Variants in ADGRV1 observed in about 807,000 individuals in gnomAD.
ADGRV1 encodes the protein G-protein coupled receptor 98.
In ADGRV1, 359 loss-of-function variants were observed where a neutral mutation model predicts 596.2. That is an observed-to-expected ratio of 0.60 (90% CI 0.55 to 0.66). The LOEUF is 0.66. Among genes scored for constraint, ADGRV1 ranks in the 30% least tolerant of loss-of-function variants. The pLI, the probability that ADGRV1 is intolerant of heterozygous loss-of-function variation, is 0.00. For missense variants in ADGRV1, 7,274 were observed against 7,575.6 expected, an observed-to-expected ratio of 0.96 and a Z score of 1.48; for synonymous variants, 2,681 against 2,679.2, an observed-to-expected ratio of 1.00 and a Z score of -0.02.
At chr5:90,619,603 T>A (rs547529806) in intron 4 of ADGRV1, among the ~76,000 whole-genome samples, 66 of 152,256 alleles carry the variant, frequency 4.3e-4, no homozygotes, top group African/African-American at 1.2e-3. Context: ...TCTTTTTTTT[T>A]AATTATTATT....
At chr5:90,582,496 G>T (rs993970543) in intron 1 of ADGRV1, among the ~76,000 whole-genome samples, 4 of 151,994 alleles carry the variant, frequency 2.6e-5, no homozygotes, top group Non-Finnish European at 5.9e-5. Context: ...TGTTTTATTT[G>T]ATATAAGAAT....
At chr5:91,162,570 G>C (rs4916705) in intron 89 of ADGRV1, among the ~76,000 whole-genome samples, 1 of 152,034 alleles carries the variant, frequency 6.6e-6, no homozygotes, top group Non-Finnish European at 1.5e-5. Context: ...GCAGGAGGAA[G>C]TGTATGAGAA....
At chr5:90,663,067 A>G (rs1423797295) in intron 21 of ADGRV1, among the ~76,000 whole-genome samples, 2 of 149,768 alleles carry the variant, frequency 1.3e-5, no homozygotes, top group Non-Finnish European at 3.0e-5. Flanking sequence ...TGCCGCAATA[A>G]ACATACGTGT....
At chr5:90,789,420 G>A (rs187626310) in intron 68 of ADGRV1, among the ~76,000 whole-genome samples, 6 of 152,210 alleles carry the variant, frequency 3.9e-5, no homozygotes, top group Admixed American at 6.5e-5. Context: ...TGAATAAAGC[G>A]AAATTCAGGC....
At position 90,853,530 on chromosome 5, in the gene ADGRV1, T is replaced by C. The variant is rs375958356; in HGVS notation, c.17451T>C (p.Asn5817=). 9.3e-6 allele frequency: 15 copies of C among 1,608,322 alleles called. No individual in the cohort carries two copies. The highest frequency in any genetic ancestry group is 1.3e-5 in the Non-Finnish European group (15 of 1,176,336). ...ISGNNLPTLK[N]KVLSLSVKGQ... is the part of the protein sequence containing the mutation. Reference sequence around the variant, plus strand: ...GAAACAATCTTCCTACCCTAAAAAATAAGGTAATCTTTCATTCAAAACACT... The same window carrying C: ...GAAACAATCTTCCTACCCTAAAAAACAAGGTAATCTTTCATTCAAAACACT... Residue 5817 remains asparagine, a synonymous_variant, in exon 80 of 90, where the codon AAT becomes AAC. Transcript: ENST00000405460.
In ADGRV1 at chr5:90,712,284, C is replaced by T. The variant is rs1749466368; in HGVS notation, c.9043-3C>T. 5 of 1,510,510 alleles carry T rather than the reference C, an allele frequency of 3.3e-6. No homozygotes were observed. Among genetic ancestry groups the T allele is most frequent in the East Asian group, 2.4e-5 (1 of 41,048 alleles). The allele number at this position is 1,510,510 out of a possible 1,614,324, so 93.6% of individuals were successfully genotyped here. A position where few individuals can be genotyped will look rare whatever the true frequency, so the allele number is the denominator to read the frequency against. ...TACATTCTGCTTTTACCTTTTTGAC[C>T]AGATTCTTCATTTTGCTGATGGAGA... On this transcript the variant is annotated splice_region_variant and splice_polypyrimidine_tract_variant and intron_variant, in intron 41 of 89. Coordinates refer to ENST00000405460, the MANE Select transcript of ADGRV1 (RefSeq NM_032119.4).
intron 86 of ADGRV1, among the ~76,000 whole-genome samples, chr5:91,074,953 T>C (rs1485829043): frequency 6.6e-6 from 1 of 152,236 alleles, no homozygotes; most frequent in Non-Finnish European, 1.5e-5. Flanking sequence ...TTTCATATGC[T>C]TGTTGGCTTC....
chr5:90,778,172 T>C, intron 62 of ADGRV1, 129 bp downstream of exon 62: 2 of 1,056,066 alleles, frequency 1.9e-6, no homozygotes, highest in Non-Finnish European at 1.4e-6. Context: ...GGGGAGGAGG[T>C]AAATATTACA....
At chr5:91,022,439 T>G (rs888728366) in intron 85 of ADGRV1, among the ~76,000 whole-genome samples, 2 of 152,062 alleles carry the variant, frequency 1.3e-5, no homozygotes, top group African/African-American at 4.8e-5. Flanking sequence ...CTATGGCTTT[T>G]TGCTGCCATA....
At chr5:90,920,249 A>G (rs1773761316) in intron 83 of ADGRV1, among the ~76,000 whole-genome samples, 1 of 152,078 alleles carries the variant, frequency 6.6e-6, no homozygotes, top group South Asian at 2.1e-4. Flanking sequence ...AGGGCCAGCG[A>G]GCTCTCTTGG....
chr5:90,754,370 A>G (rs899329724), intron 54 of ADGRV1, among the ~76,000 whole-genome samples: 14 of 152,216 alleles, frequency 9.2e-5, no homozygotes, highest in African/African-American at 3.1e-4. Context: ...ATTTTCACGT[A>G]ATAACATGGA....
chr5:90,634,973 A>AT, intron 9 of ADGRV1, 141 bp from the exon 10 acceptor site: 1 of 579,566 alleles, frequency 1.7e-6, no homozygotes, highest in Middle Eastern at 4.6e-4. Flanking sequence ...GGGATGGTGA[A>AT]TGAGAGAGGA....
chr5:90,814,233 C>A (rs762939640), intron 74 of ADGRV1, among the ~76,000 whole-genome samples: 2 of 152,194 alleles, frequency 1.3e-5, no homozygotes, highest in Non-Finnish European at 2.9e-5. Context: ...TGTAGCCCAT[C>A]ACTTGCATGT....
intron 85 of ADGRV1, among the ~76,000 whole-genome samples, chr5:91,033,192 T>C (rs1784617166): frequency 6.6e-6 from 1 of 152,212 alleles, no homozygotes. Flanking sequence ...ATTTGTATGG[T>C]TTTTAAAATA....
At chr5:91,157,353 A>G (rs1290044739) in intron 89 of ADGRV1, among the ~76,000 whole-genome samples, 1 of 152,234 alleles carries the variant, frequency 6.6e-6, no homozygotes, top group African/African-American at 2.4e-5. Flanking sequence ...GTTTGAAAAT[A>G]AAACTTTTAC....
chr5:91,104,138 G>A (rs1791638736), intron 87 of ADGRV1, among the ~76,000 whole-genome samples: 1 of 151,952 alleles, frequency 6.6e-6, no homozygotes, highest in Non-Finnish European at 1.5e-5. Context: ...GTTTGTACTG[G>A]AAAGATAACT....
chr5:91,135,096 G>A lies in ADGRV1; in HGVS notation c.18433-14934G>A, dbSNP rs555568751. ...CTTGGGAGGCTGAGGCAGGAGAATCGCTTGAACCAGAAGGAGAGGTTGCAG... is the reference window on the plus strand; with the variant it reads ...CTTGGGAGGCTGAGGCAGGAGAATCACTTGAACCAGAAGGAGAGGTTGCAG... On this transcript the variant is annotated intron_variant, in intron 87 of 89. Coordinates refer to ENST00000405460, the MANE Select transcript of ADGRV1 (RefSeq NM_032119.4). Among the ~76,000 whole-genome samples, 5 of 150,280 alleles carry A rather than the reference G, an allele frequency of 3.3e-5. No homozygotes were observed. In the South Asian group the frequency reaches 6.3e-4, roughly 19 times the overall value.
Position 90,776,485 on chromosome 5 carries a change from C to T in ADGRV1, c.12436C>T (p.Arg4146Ter), listed in dbSNP as rs369793306. 8 of 1,612,806 alleles carry T rather than the reference C, an allele frequency of 5.0e-6. No homozygotes were observed. The highest frequency in any genetic ancestry group is 1.3e-5 in the African/African-American group (1 of 74,802). Reference sequence around the variant, plus strand: ...ATCAATAATTATTCGGGGTGATAAGCGAGCATCAGGAGAAGTTGGGATAGC... The same window carrying T: ...ATCAATAATTATTCGGGGTGATAAGTGAGCATCAGGAGAAGTTGGGATAGC... ...SASIIIRGDK[R>*]ASGEVGIAPS... The change falls in exon 61 of 90, where the codon CGA (arginine) becomes TGA (stop). Residue 4146 changes from arginine (R) to a stop codon, truncating the protein, a stop_gained. Transcript: ENST00000405460. LOFTEE classifies it high-confidence loss of function.
rs1746943667 is a variant in ADGRV1, at chr5:90,694,632, G to A, written c.7876G>A (p.Val2626Ile). 1.2e-6 allele frequency: 2 copies of A among 1,613,560 alleles called. No individual in the cohort carries two copies. The highest frequency in any genetic ancestry group is 2.2e-5 in the East Asian group (1 of 44,878). Residue 2626 changes from valine to isoleucine, a missense_variant, in exon 33 of 90, where the codon GTT becomes ATT. Val to Ile is a conservative substitution (Grantham distance 29). Coordinates refer to ENST00000405460, the MANE Select transcript of ADGRV1 (RefSeq NM_032119.4). Reference protein sequence around the residue: ...SLGQVAVEWRVVGGTATEGLD... With the variant: ...SLGQVAVEWRIVGGTATEGLD... ...AGGTCAAGTGGCAGTCGAATGGCGT[G>A]TTGTTGGTGGAACAGCTACTGAAGG...
Sources: allele counts gnomAD v4.1 joint callset (sites outside exome capture counted in the v4.1 genomes callset), GRCh38; gene constraint gnomAD v4.1.1; transcripts MANE v1.5; gene names NCBI Gene and HGNC (gene_info 2026-07-23, HGNC 2026-07-21).